GSE1: variants seen among roughly 807,000 people sequenced by gnomAD.
GSE1 encodes the protein Gse1 coiled-coil protein.
In GSE1, 32 loss-of-function variants were observed where a neutral mutation model predicts 112.6. The observed-to-expected ratio is 0.28, with a 90% CI of 0.21 to 0.38. GSE1 has a LOEUF of 0.38. Among genes scored for constraint, GSE1 ranks in the 10% least tolerant of loss-of-function variants. GSE1 has a pLI of 1.00. For synonymous variants in GSE1, 1,115 were observed against 735.6 expected (o/e 1.52, Z -8.35); for missense variants, 2,348 against 1,699.2 (o/e 1.38, Z -6.71).
At chr16:85,321,708 G>A (rs76437091) in intron 1 of GSE1, among the ~76,000 whole-genome samples, 4,448 of 151,942 alleles carry the variant, frequency 0.029, 101 homozygotes, top group Non-Finnish European at 0.045. Context: ...CAGCTACTTG[G>A]GTGGCTGAGG....
chr16:85,480,007 A>C (rs1429183066), intron 2 of GSE1, among the ~76,000 whole-genome samples: 1 of 152,240 alleles, frequency 6.6e-6, no homozygotes, highest in Non-Finnish European at 1.5e-5. Context: ...CACAGCGGCC[A>C]TGATGCACGA....
chr16:85,206,644 C>T (rs1428055076), intron 1 of GSE1, among the ~76,000 whole-genome samples: 1 of 152,092 alleles, frequency 6.6e-6, no homozygotes, highest in Non-Finnish European at 1.5e-5. Flanking sequence ...CAGCCCCTCC[C>T]CCACCCCTTC....
chr16:85,355,021 C>A (rs998851589), intron 1 of GSE1, among the ~76,000 whole-genome samples: 3 of 152,192 alleles, frequency 2.0e-5, no homozygotes, highest in Non-Finnish European at 4.4e-5. Flanking sequence ...CAGCCTAAGC[C>A]GCCGGCATGC....
chr16:85,264,418 A>C (rs1017511890), intron 1 of GSE1, among the ~76,000 whole-genome samples: 1 of 152,008 alleles, frequency 6.6e-6, no homozygotes, highest in Non-Finnish European at 1.5e-5. Context: ...TCCACGCCTC[A>C]ACTCCGGGGA....
At chr16:85,214,044 C>T (rs1597814892) in intron 1 of GSE1, among the ~76,000 whole-genome samples, 1 of 152,372 alleles carries the variant, frequency 6.6e-6, no homozygotes, top group Non-Finnish European at 1.5e-5. Context: ...CGGCATCGTT[C>T]CACTGGGTAC....
chr16:85,664,886 C>A, intron 11 of GSE1, 129 bp from the exon 12 acceptor site: 1 of 649,008 alleles, frequency 1.5e-6, no homozygotes. Context: ...CCTGCCCCAT[C>A]ACACCTGCTT....
chr16:85,474,960 G>C (rs1386685263), intron 2 of GSE1, among the ~76,000 whole-genome samples: 5 of 152,072 alleles, frequency 3.3e-5, no homozygotes, highest in Non-Finnish European at 7.4e-5. Flanking sequence ...ACTGTAATCT[G>C]CCCCTCCACC....
chr16:85,299,385 T>C (rs528099990), intron 1 of GSE1, among the ~76,000 whole-genome samples: 1 of 152,300 alleles, frequency 6.6e-6, no homozygotes, highest in East Asian at 1.9e-4. Flanking sequence ...CTGGGCTGCC[T>C]TCTCTATATC....
chr16:85,180,845 C>T (rs1047317778), intron 1 of GSE1, among the ~76,000 whole-genome samples: 2 of 152,172 alleles, frequency 1.3e-5, no homozygotes, highest in African/African-American at 4.8e-5. Context: ...TAGGATTTAA[C>T]GAAGTGGCGA....
At chr16:85,611,583 G>T (rs1273234389), upstream of GSE1, 5 of 653,330 alleles carry the variant, frequency 7.7e-6, no homozygotes, top group Non-Finnish European at 9.5e-6. Context: ...TTCCCTTTTC[G>T]TTTGTGGTCT....
chr16:85,202,648 G>T (rs970940850), intron 1 of GSE1, among the ~76,000 whole-genome samples: 1 of 152,182 alleles, frequency 6.6e-6, no homozygotes. Flanking sequence ...GGGACCCTTC[G>T]ATCCTCAGGC....
intron 2 of GSE1, chr16:85,490,489 G>A (rs1009830004): frequency 2.0e-5 from 3 of 152,286 alleles, no homozygotes; most frequent in Non-Finnish European, 4.4e-5. Context: ...GGGCATCGTA[G>A]CCAGAAGGAA....
chr16:85,177,255 T>G (rs1024763622), intron 1 of GSE1, among the ~76,000 whole-genome samples: 1 of 152,226 alleles, frequency 6.6e-6, no homozygotes, highest in Non-Finnish European at 1.5e-5. Context: ...TCTCAGGATC[T>G]CACCCTTGTG....
intron 2 of GSE1, among the ~76,000 whole-genome samples, chr16:85,496,324 T>C (rs2051176338): frequency 6.6e-6 from 1 of 152,240 alleles, no homozygotes; most frequent in African/African-American, 2.4e-5. Flanking sequence ...AGGTTTATGC[T>C]GCGTGAGCGA....
At chr16:85,403,903 G>A (rs1232088027) in intron 2 of GSE1, among the ~76,000 whole-genome samples, 3 of 152,300 alleles carry the variant, frequency 2.0e-5, no homozygotes, top group South Asian at 2.1e-4. Flanking sequence ...TTCAGAGGCT[G>A]CTGGGAGGCC....
intron 1 of GSE1, among the ~76,000 whole-genome samples, chr16:85,620,591 G>A (rs565516387): frequency 1.3e-5 from 2 of 152,270 alleles, no homozygotes; most frequent in South Asian, 2.1e-4. Flanking sequence ...CGTCTCTGCC[G>A]CCCGTCGGGA....
intron 1 of GSE1, among the ~76,000 whole-genome samples, chr16:85,196,108 G>A (rs1234600174): frequency 6.6e-6 from 1 of 152,204 alleles, no homozygotes; most frequent in East Asian, 1.9e-4. Flanking sequence ...AATAGTCTCA[G>A]GGCAGGGCAG....
At chr16:85,201,170 T>G (rs2075021582) in intron 1 of GSE1, among the ~76,000 whole-genome samples, 1 of 152,088 alleles carries the variant, frequency 6.6e-6, no homozygotes. Context: ...CCTCCCCGGT[T>G]TAAGTGATCC....
chr16:85,354,722 G>A (rs2046916596), intron 1 of GSE1, among the ~76,000 whole-genome samples: 1 of 152,244 alleles, frequency 6.6e-6, no homozygotes, highest in East Asian at 1.9e-4. Flanking sequence ...ACCGGGTGCT[G>A]CCCCATAAGC....
Sources: gnomAD v4.1 joint callset for allele counts (sites outside exome capture counted in the v4.1 genomes callset) on GRCh38, gnomAD v4.1.1 for gene constraint, MANE v1.5 for transcripts, NCBI Gene and HGNC (gene_info 2026-07-23, HGNC 2026-07-21) for gene names.